Variants in NALF1 observed in about 807,000 individuals in gnomAD.
NALF1 encodes family with sequence similarity 155 member A.
NALF1 carries 3 observed loss-of-function variants against 48.4 expected under a neutral mutation model. The observed-to-expected ratio is 0.06, with a 90% confidence interval of 0.03 to 0.16. The LOEUF (loss-of-function observed/expected upper bound fraction) is 0.16, where lower values mean the gene tolerates loss of function less well. NALF1 is among the 10% of genes least tolerant of loss of function. The pLI, the probability that NALF1 is intolerant of heterozygous loss-of-function variation, is 1.00. For synonymous variants in NALF1, 262 were observed against 245.7 expected, an observed-to-expected ratio of 1.07 and a Z score of -0.62; for missense variants, 526 against 571.5, an observed-to-expected ratio of 0.92 and a Z score of 0.81.
At chr13:107,803,296 A>G (rs1267072658) in intron 1 of NALF1, among the ~76,000 whole-genome samples, 1 of 152,176 alleles carries the variant, frequency 6.6e-6, no homozygotes, top group African/African-American at 2.4e-5. Flanking sequence ...CAAAAATTTA[A>G]TGACATTATA....
chr13:107,339,130 T>C (rs1030315330), intron 1 of NALF1, among the ~76,000 whole-genome samples: 4 of 82,086 alleles, frequency 4.9e-5, no homozygotes, highest in Non-Finnish European at 1.2e-4. Context: ...GGAGACTCTG[T>C]CTCAGAAGAA....
intron 1 of NALF1, among the ~76,000 whole-genome samples, chr13:107,722,984 AT>A: frequency 6.6e-6 from 1 of 152,194 alleles, no homozygotes; most frequent in East Asian, 1.9e-4. Context: ...AAAATGTAGA[AT>A]TTTCCACGTA....
chr13:107,325,887 T>TATATATATATAC (rs752320518), intron 1 of NALF1, among the ~76,000 whole-genome samples: 102 of 58,852 alleles, frequency 1.7e-3, no homozygotes, highest in Non-Finnish European at 2.9e-3. Context: ...TATATATATA[T>TATATATATATAC]ACACACACAC....
At chr13:107,739,379 A>C (rs1001773356) in intron 1 of NALF1, among the ~76,000 whole-genome samples, 2 of 148,314 alleles carry the variant, frequency 1.3e-5, no homozygotes, top group Non-Finnish European at 3.0e-5. Flanking sequence ...TATATAATTA[A>C]GATAAAATAT....
chr13:107,249,164 T>G (rs1009143505), intron 1 of NALF1, among the ~76,000 whole-genome samples: 3 of 152,038 alleles, frequency 2.0e-5, no homozygotes, highest in African/African-American at 7.2e-5. Context: ...TGGCAGAAAA[T>G]TATTCAGATT....
intron 1 of NALF1, among the ~76,000 whole-genome samples, chr13:107,316,152 GT>G (rs1163013076): frequency 6.6e-6 from 1 of 152,018 alleles, no homozygotes; most frequent in Non-Finnish European, 1.5e-5. Flanking sequence ...GCAGTGTTTG[GT>G]TTTTTGACCT....
Position 107,631,246 on chromosome 13 carries a change from C to T in NALF1, c.915+234436G>A, listed in dbSNP as rs545492453. Among the ~76,000 whole-genome samples, 39 of 152,200 alleles carry T rather than the reference C, an allele frequency of 2.6e-4. No homozygotes were observed. The South Asian group carries it at 6.2e-3, about 24-fold the overall frequency. ...TTTAATGCATAAGTAATAATAAGAC[C>T]TGCCAAGATTGTGCTTGCTATACTG... On this transcript the variant is annotated intron_variant, in intron 1 of 2. Coordinates refer to ENST00000375915, the MANE Select transcript of NALF1 (RefSeq NM_001080396.3).
At chr13:107,770,636 G>A (rs1437491894) in intron 1 of NALF1, among the ~76,000 whole-genome samples, 1 of 152,128 alleles carries the variant, frequency 6.6e-6, no homozygotes, top group Non-Finnish European at 1.5e-5. Flanking sequence ...TCAAGCCATT[G>A]TCCAAATATG....
At chr13:107,843,907 G>C (rs574308006) in intron 1 of NALF1, among the ~76,000 whole-genome samples, 1 of 152,236 alleles carries the variant, frequency 6.6e-6, no homozygotes, top group African/African-American at 2.4e-5. Flanking sequence ...TAACATAGAC[G>C]TTGCCCCTAA....
chr13:107,848,823 G>A (rs1323030017), intron 1 of NALF1, among the ~76,000 whole-genome samples: 1 of 152,116 alleles, frequency 6.6e-6, no homozygotes, highest in Non-Finnish European at 1.5e-5. Flanking sequence ...ACAGGCAGGG[G>A]AAATTTCTGA....
chr13:107,324,530 A>G (rs1297149396), intron 1 of NALF1, among the ~76,000 whole-genome samples: 1 of 152,170 alleles, frequency 6.6e-6, no homozygotes, highest in Non-Finnish European at 1.5e-5. Flanking sequence ...GCAAAATTCT[A>G]GAAGAAAATC....
intron 2 of NALF1, among the ~76,000 whole-genome samples, chr13:107,174,915 G>A (rs1336084884): frequency 2.7e-5 from 4 of 149,838 alleles, no homozygotes; most frequent in Non-Finnish European, 4.4e-5. Flanking sequence ...ACGGAGTCTC[G>A]CTCTGTCGCC....
At chr13:107,459,408 A>T (rs1299207365) in intron 1 of NALF1, among the ~76,000 whole-genome samples, 1 of 147,246 alleles carries the variant, frequency 6.8e-6, no homozygotes, top group Non-Finnish European at 1.5e-5. Flanking sequence ...TATATATATA[A>T]GGCCTGTTTT....
chr13:107,866,605 A>G lies in NALF1; in HGVS notation c.-9T>C. Reference sequence around the variant, plus strand: ...CAAGCACCCCTGGTCATATTTTGGGAACGCACAGCCCTGGCCGACTCCACC... The same window carrying G: ...CAAGCACCCCTGGTCATATTTTGGGGACGCACAGCCCTGGCCGACTCCACC... On this transcript the variant is annotated 5_prime_UTR_variant, in exon 1 of 3. Transcript: ENST00000375915. The surrounding 1 kb of genome is among the most constrained non-coding windows in gnomAD (Gnocchi z 4.4). The G allele has an allele frequency of 6.3e-7, 1 of 1,595,710 alleles. No individual in the cohort carries two copies. The highest frequency in any genetic ancestry group is 8.5e-7 in the Non-Finnish European group (1 of 1,175,450).
At chr13:107,171,082 C>T (rs146891816) in intron 2 of NALF1, among the ~76,000 whole-genome samples, 4 of 152,290 alleles carry the variant, frequency 2.6e-5, no homozygotes, top group East Asian at 1.9e-4. Flanking sequence ...CTTGAGGTTC[C>T]GGATCAACTT....
At chr13:107,282,932 GAT>G (rs1384700148) in intron 1 of NALF1, among the ~76,000 whole-genome samples, 1 of 152,220 alleles carries the variant, frequency 6.6e-6, no homozygotes, top group Admixed American at 6.5e-5. Flanking sequence ...AAAAGAGCTA[GAT>G]AATTCTTCCA....
intron 1 of NALF1, among the ~76,000 whole-genome samples, chr13:107,674,521 T>A (rs917797790): frequency 6.6e-6 from 1 of 152,194 alleles, no homozygotes; most frequent in Non-Finnish European, 1.5e-5. Flanking sequence ...GAGATTGGCA[T>A]TTATTCATTA....
At chr13:107,597,020 C>T (rs1878774306) in intron 1 of NALF1, among the ~76,000 whole-genome samples, 1 of 152,038 alleles carries the variant, frequency 6.6e-6, no homozygotes, top group Admixed American at 6.6e-5. Context: ...CTCTATTTCC[C>T]CTGCTTCAGT....
chr13:107,657,672 CAT>C (rs1189993546), intron 1 of NALF1, among the ~76,000 whole-genome samples: 3 of 152,020 alleles, frequency 2.0e-5, no homozygotes, highest in African/African-American at 7.3e-5. Context: ...ACTCAGGAGA[CAT>C]GTGCTCTTAC....
Sources: gnomAD v4.1 joint callset for allele counts (sites outside exome capture counted in the v4.1 genomes callset) on GRCh38, gnomAD v4.1.1 for gene constraint, Gnocchi (gnomAD v3.1) non-coding constraint, MANE v1.5 for transcripts, NCBI Gene and HGNC (gene_info 2026-07-23, HGNC 2026-07-21) for gene names.